Variants in STPG2 observed in about 807,000 individuals in gnomAD.
STPG2 encodes sperm-tail PG-rich repeat-containing protein 2.
STPG2 carries 56 observed loss-of-function variants against 54.2 expected under a neutral mutation model. The observed-to-expected ratio is 1.03, with a 90% CI of 0.83 to 1.29. The LOEUF (loss-of-function observed/expected upper bound fraction) is 1.29, where lower values mean the gene tolerates loss of function less well. Ranked by LOEUF, STPG2 falls within the 50% of genes most tolerant of loss-of-function variation. STPG2 has a pLI of 0.00. For synonymous variants in STPG2, 200 were observed against 181.8 expected, an observed-to-expected ratio of 1.10 and a Z score of -0.81; for missense variants, 596 against 544.9, an observed-to-expected ratio of 1.09 and a Z score of -0.93.
intron 10 of STPG2, among the ~76,000 whole-genome samples, chr4:97,584,679 A>C (rs1231546063): frequency 6.6e-6 from 1 of 152,052 alleles, no homozygotes; most frequent in Non-Finnish European, 1.5e-5. Context: ...CTCAATTAGA[A>C]ATGAAACAGG....
chr4:98,042,291 G>C (rs780720476), intron 5 of STPG2, among the ~76,000 whole-genome samples: 52 of 151,072 alleles, frequency 3.4e-4, no homozygotes, highest in Admixed American at 1.1e-3. Context: ...TCATTTCATT[G>C]ATTTTTTTGT....
intron 5 of STPG2, among the ~76,000 whole-genome samples, chr4:98,078,808 C>G (rs1367435706): frequency 1.3e-5 from 2 of 151,892 alleles, no homozygotes; most frequent in Non-Finnish European, 2.9e-5. Flanking sequence ...TTCATATTAA[C>G]CAATTAGACT....
At chr4:97,692,256 T>A (rs1168000155) in intron 10 of STPG2, among the ~76,000 whole-genome samples, 3 of 134,652 alleles carry the variant, frequency 2.2e-5, no homozygotes, top group Non-Finnish European at 4.6e-5. Context: ...CAGAGAAAGG[T>A]GAAGCCCAGC....
At chr4:97,962,307 G>T (rs1733920517) in intron 7 of STPG2, among the ~76,000 whole-genome samples, 1 of 151,984 alleles carries the variant, frequency 6.6e-6, no homozygotes, top group Non-Finnish European at 1.5e-5. Flanking sequence ...CACCACTAAA[G>T]AATTTATTCA....
chr4:97,880,011 C>T (rs1173770971), intron 8 of STPG2, among the ~76,000 whole-genome samples: 1 of 152,146 alleles, frequency 6.6e-6, no homozygotes, highest in East Asian at 1.9e-4. Flanking sequence ...ATGCTTTTTG[C>T]AGCATTATTC....
chr4:97,695,607 C>T (rs1723543741), intron 10 of STPG2, among the ~76,000 whole-genome samples: 2 of 152,050 alleles, frequency 1.3e-5, no homozygotes. Context: ...CCTAAAGATT[C>T]ATCCAAAAAG....
At chr4:97,762,363 G>A (rs1725914681) in intron 9 of STPG2, among the ~76,000 whole-genome samples, 1 of 152,016 alleles carries the variant, frequency 6.6e-6, no homozygotes, top group Non-Finnish European at 1.5e-5. Flanking sequence ...AATCTTTACG[G>A]GAACATTAGA....
chr4:98,036,344 G>C (rs13101542), intron 5 of STPG2, among the ~76,000 whole-genome samples: 2 of 151,790 alleles, frequency 1.3e-5, no homozygotes, highest in African/African-American at 2.4e-5. Flanking sequence ...CTATTATAAA[G>C]ATACATGCAT....
intron 8 of STPG2, among the ~76,000 whole-genome samples, chr4:97,931,797 A>G (rs1331904728): frequency 6.6e-6 from 1 of 152,012 alleles, no homozygotes. Context: ...AATTTTTTTT[A>G]ATAGTTTCTG....
chr4:97,803,742 T>A (rs1025317720), intron 9 of STPG2, among the ~76,000 whole-genome samples: 7 of 152,210 alleles, frequency 4.6e-5, no homozygotes, highest in African/African-American at 1.7e-4. Context: ...GGTTTCACCA[T>A]GTTGACCAGG....
intron 8 of STPG2, among the ~76,000 whole-genome samples, chr4:97,933,707 G>C (rs2149221093): frequency 6.6e-6 from 1 of 152,220 alleles, no homozygotes; most frequent in Non-Finnish European, 1.5e-5. Flanking sequence ...TCTCTATTCT[G>C]TTCCGTTGAT....
At chr4:98,103,111 CT>C (rs5860522) in intron 5 of STPG2, among the ~76,000 whole-genome samples, 59,175 of 151,222 alleles carry the variant, frequency 0.39, 11,799 homozygotes, top group Middle Eastern at 0.46. Flanking sequence ...TCCATGAGCT[CT>C]TCTTTTAAAC....
intron 4 of STPG2, among the ~76,000 whole-genome samples, chr4:98,108,790 C>T (rs1303892054): frequency 6.6e-6 from 1 of 151,874 alleles, no homozygotes; most frequent in Non-Finnish European, 1.5e-5. Flanking sequence ...ACAATATTAA[C>T]TATGCAAAGC....
chr4:97,954,447 A>T (rs193099458), intron 7 of STPG2, among the ~76,000 whole-genome samples: 19 of 152,218 alleles, frequency 1.2e-4, no homozygotes, highest in Non-Finnish European at 2.6e-4. Flanking sequence ...ACATTTGAGG[A>T]GCCTCAAAGC....
In STPG2 at chr4:97,834,541, CAGAT is replaced by C. The variant is rs1728575169; in HGVS notation, c.1204+6228_1204+6231del. Among the ~76,000 whole-genome samples the C allele has an allele frequency of 2.0e-5, 3 of 152,034 alleles. No individual in the cohort carries two copies. In the South Asian group the frequency reaches 6.2e-4, roughly 32 times the overall value. On this transcript the variant is annotated intron_variant, in intron 9 of 10. Transcript: ENST00000295268. ...ATTATTATTCGTGCTGCACTTTATA[CAGAT>C]AATCAGGCCAAATATAATAAAGCAA...
chr4:97,598,880 A>G (rs1281024940), intron 10 of STPG2, among the ~76,000 whole-genome samples: 2 of 152,198 alleles, frequency 1.3e-5, no homozygotes, highest in Non-Finnish European at 2.9e-5. Flanking sequence ...TTCATGACAA[A>G]GACACCAAAA....
At chr4:97,568,419 G>GAGAAAGA (rs1159190536) in intron 10 of STPG2, among the ~76,000 whole-genome samples, 2 of 152,036 alleles carry the variant, frequency 1.3e-5, no homozygotes, top group African/African-American at 2.4e-5. Context: ...TAGTGGAAGG[G>GAGAAAGA]AGAAAGACAA....
At chr4:97,962,652 A>G (rs962210125) in intron 7 of STPG2, among the ~76,000 whole-genome samples, 4 of 152,226 alleles carry the variant, frequency 2.6e-5, no homozygotes, top group Non-Finnish European at 5.9e-5. Context: ...ACTGTGTTCC[A>G]GAAGATATTC....
chr4:97,859,622 G>A (rs1423099438), intron 8 of STPG2, among the ~76,000 whole-genome samples: 1 of 151,902 alleles, frequency 6.6e-6, no homozygotes, highest in Non-Finnish European at 1.5e-5. Flanking sequence ...GTGCCACCAT[G>A]CCTAGCTAAT....
Sources: gnomAD v4.1 joint callset for allele counts (sites outside exome capture counted in the v4.1 genomes callset) on GRCh38, gnomAD v4.1.1 for gene constraint, MANE v1.5 for transcripts, NCBI Gene and HGNC (gene_info 2026-07-23, HGNC 2026-07-21) for gene names.